Variants in OPCML observed in about 807,000 individuals in gnomAD.
OPCML encodes opioid binding protein/cell adhesion molecule like.
In OPCML, 13 loss-of-function variants were observed where a neutral mutation model predicts 37.8. That is an observed-to-expected ratio of 0.34 (90% CI 0.22 to 0.55). The LOEUF is 0.55. Among genes scored for constraint, OPCML ranks in the 20% least tolerant of loss-of-function variants. OPCML has a pLI of 0.91. For missense variants in OPCML, 341 were observed against 435.6 expected (o/e 0.78, Z 1.93); for synonymous variants, 176 against 168.8 (o/e 1.04, Z -0.33).
chr11:133,090,147 A>C (rs922293204), intron 1 of OPCML, among the ~76,000 whole-genome samples: 3 of 152,002 alleles, frequency 2.0e-5, no homozygotes, highest in Admixed American at 2.0e-4. Flanking sequence ...CGCCCTTACT[A>C]CTTAGACATG....
At chr11:132,850,667 G>A (rs2136327814) in intron 2 of OPCML, among the ~76,000 whole-genome samples, 1 of 152,258 alleles carries the variant, frequency 6.6e-6, no homozygotes, top group South Asian at 2.1e-4. Flanking sequence ...GAAAAGGCTT[G>A]TATTTACAAC....
intron 3 of OPCML, among the ~76,000 whole-genome samples, chr11:132,545,986 T>C (rs1352516336): frequency 6.6e-6 from 1 of 152,266 alleles, no homozygotes; most frequent in African/African-American, 2.4e-5. Flanking sequence ...TAGATTTCCT[T>C]TCATGAGGGT....
At chr11:133,034,325 G>GTA (rs1328200365) in intron 1 of OPCML, among the ~76,000 whole-genome samples, 4 of 151,698 alleles carry the variant, frequency 2.6e-5, no homozygotes, top group Non-Finnish European at 5.9e-5. Flanking sequence ...GTGTGTGTGT[G>GTA]TGTGTGTGTG....
intron 2 of OPCML, among the ~76,000 whole-genome samples, chr11:132,776,993 G>A (rs1051679747): frequency 6.6e-6 from 1 of 152,124 alleles, no homozygotes; most frequent in Admixed American, 6.5e-5. Context: ...AGTAACAAGA[G>A]AGAGTAATCT....
intron 3 of OPCML, among the ~76,000 whole-genome samples, chr11:132,643,664 C>G (rs183815436): frequency 6.6e-6 from 1 of 152,306 alleles, no homozygotes; most frequent in East Asian, 1.9e-4. Context: ...TCCCTTATCA[C>G]CTTTTACTTT....
At chr11:133,113,762 GTATT>G (rs758654531) in intron 1 of OPCML, among the ~76,000 whole-genome samples, 2 of 152,158 alleles carry the variant, frequency 1.3e-5, no homozygotes, top group East Asian at 1.9e-4. Flanking sequence ...AGGTAAGAAA[GTATT>G]TATGACTCTT....
intron 3 of OPCML, among the ~76,000 whole-genome samples, chr11:132,550,318 G>A (rs2096378551): frequency 1.3e-5 from 2 of 152,254 alleles, no homozygotes; most frequent in Admixed American, 6.5e-5. Flanking sequence ...TGGATCATGG[G>A]GGTGGATTTC....
rs1277501245 is a variant in OPCML, at chr11:133,206,079, A to G, written c.62-263069T>C. Among the ~76,000 whole-genome samples, 2 of 152,238 alleles carry G rather than the reference A, an allele frequency of 1.3e-5. No individual in the cohort carries two copies. Among genetic ancestry groups the G allele is most frequent in the Non-Finnish European group, 2.9e-5 (2 of 68,036 alleles). ...ACCATGTCTAGTGCCTACAGTTAAC[A>G]TTTAATAATAACTGTATTATTCTGT... On this transcript the variant is annotated intron_variant, in intron 1 of 7. Coordinates refer to ENST00000524381, the MANE Select transcript of OPCML (RefSeq NM_001012393.5). The surrounding 1 kb of genome is among the most constrained non-coding windows in gnomAD (Gnocchi z 4.7).
intron 3 of OPCML, among the ~76,000 whole-genome samples, chr11:132,570,804 T>TATATATAGAGAGAGAGAGAGAGAGAG (rs2096436416): frequency 2.2e-5 from 2 of 90,762 alleles, no homozygotes; most frequent in African/African-American, 9.9e-5. Flanking sequence ...TATATATATT[T>TATATATAGAGAGAGAGAGAGAGAGAG]AGAGAGAGAG....
chr11:132,684,893 A>C (rs1274438927), intron 2 of OPCML, among the ~76,000 whole-genome samples: 5 of 152,218 alleles, frequency 3.3e-5, no homozygotes, highest in Admixed American at 3.3e-4. Flanking sequence ...TATTTTAAAA[A>C]ACAGTTTGGG....
chr11:133,204,839 A>G (rs2602812), intron 1 of OPCML, among the ~76,000 whole-genome samples: 17,197 of 133,230 alleles, frequency 0.13, 1,447 homozygotes, highest in South Asian at 0.21. Context: ...TTTTTGTATT[A>G]TTGTGATCTA....
chr11:132,989,604 T>TGC lies in OPCML; in HGVS notation c.62-46595_62-46594insGC, dbSNP rs1480290684. The stretch of plus-strand genomic sequence containing the variant: ...AGGTTGATGCCAAGGTCCTAGAGCG[T>TGC]GTGTGTGTGTGTGTGTGTGTGTGTG... On this transcript the variant is annotated intron_variant, in intron 1 of 7. Coordinates refer to ENST00000524381, the MANE Select transcript of OPCML (RefSeq NM_001012393.5). Among the ~76,000 whole-genome samples the TGC allele has an allele frequency of 4.2e-4, 4 of 9,534 alleles. No homozygotes were observed. In the Admixed American group the frequency reaches 5.2e-3, roughly 12 times the overall value. The allele number at this position is 9,534 out of a possible 152,430, so 6.3% of individuals were successfully genotyped here.
At chr11:133,099,141 A>C (rs558952977) in intron 1 of OPCML, among the ~76,000 whole-genome samples, 6 of 152,352 alleles carry the variant, frequency 3.9e-5, no homozygotes, top group Admixed American at 2.6e-4. Flanking sequence ...GAAAACTACC[A>C]AATTCCATAT....
At chr11:133,437,178 G>A (rs4937771) in intron 1 of OPCML, among the ~76,000 whole-genome samples, 31,867 of 152,096 alleles carry the variant, frequency 0.21, 6,337 homozygotes, top group African/African-American at 0.52. Context: ...TAATGATCAG[G>A]ACCCAGATTG....
intron 2 of OPCML, among the ~76,000 whole-genome samples, chr11:132,774,787 T>C (rs888211986): frequency 2.6e-5 from 4 of 152,214 alleles, no homozygotes; most frequent in Admixed American, 1.3e-4. Flanking sequence ...CCTCCAGGAC[T>C]GGGGTCATCA....
chr11:132,971,723 A>C (rs994204625), intron 1 of OPCML, among the ~76,000 whole-genome samples: 5 of 152,174 alleles, frequency 3.3e-5, no homozygotes, highest in African/African-American at 1.2e-4. Flanking sequence ...GGCTGAGGGC[A>C]GGCTGTTTGG....
rs186614977 is a variant in OPCML at position 132,465,310 on chromosome 11, A to G, written c.506-27951T>C. On this transcript the variant is annotated intron_variant, in intron 4 of 7. Coordinates refer to ENST00000524381, the MANE Select transcript of OPCML (RefSeq NM_001012393.5). The stretch of plus-strand genomic sequence containing the variant: ...GTCTACACTGAGCTTCCTAACTTTC[A>G]CTCTCCGCTAGGGTACCTGAGAATG... 1.6e-4 allele frequency among the ~76,000 whole-genome samples: 25 copies of G among 151,810 alleles called. No homozygotes were observed. The East Asian group carries it at 4.6e-3, about 28-fold the overall frequency.
At chr11:133,484,780 C>G (rs1383744431) in intron 1 of OPCML, among the ~76,000 whole-genome samples, 1 of 152,014 alleles carries the variant, frequency 6.6e-6, no homozygotes, top group Non-Finnish European at 1.5e-5. Context: ...TTTCAACTAT[C>G]AAAGATTTAT....
rs541821249 is a variant in OPCML at position 132,865,670 on chromosome 11, G to A, written c.146+77256C>T. On this transcript the variant is annotated intron_variant, in intron 2 of 7. Coordinates refer to ENST00000524381, the MANE Select transcript of OPCML (RefSeq NM_001012393.5). ...ACTTGGACCTAGCACTAAACAGACTGGGGGAGTCGCCAAGACCAAGGCCAA... is the reference window on the plus strand; with the variant it reads ...ACTTGGACCTAGCACTAAACAGACTAGGGGAGTCGCCAAGACCAAGGCCAA... Among the ~76,000 whole-genome samples, 32 of 152,280 alleles carry A rather than the reference G, an allele frequency of 2.1e-4. No individual in the cohort carries two copies. The South Asian group carries it at 6.6e-3, about 32-fold the overall frequency.
Sources: gnomAD v4.1 joint callset for allele counts (sites outside exome capture counted in the v4.1 genomes callset) on GRCh38, gnomAD v4.1.1 for gene constraint, Gnocchi (gnomAD v3.1) non-coding constraint, MANE v1.5 for transcripts, NCBI Gene and HGNC (gene_info 2026-07-23, HGNC 2026-07-21) for gene names.